The following TSPAN3 variants were observed in gnomAD, a reference collection of about 807,000 sequenced individuals.
TSPAN3 encodes the protein tetraspanin 3, also known as tetraspanin-3.
TSPAN3 carries 9 observed loss-of-function variants against 31.1 expected under a neutral mutation model. The observed-to-expected ratio is 0.29, with a 90% CI of 0.17 to 0.50. The LOEUF (loss-of-function observed/expected upper bound fraction) is 0.50. TSPAN3 is among the 20% of genes least tolerant of loss of function. TSPAN3 has a pLI of 0.98. For missense variants in TSPAN3, 252 were observed against 313.5 expected (o/e 0.80, Z 1.48); for synonymous variants, 129 against 114.3 (o/e 1.13, Z -0.82).
chr15:77,046,481 GA>G lies in TSPAN3; in HGVS notation c.*353del. The stretch of plus-strand genomic sequence containing the variant: ...CCAAGAGTTCTCCACTGTGAAGACT[GA>G]AAGGACCTGGTGACATTTCGGCATC... On this transcript the variant is annotated 3_prime_UTR_variant, in exon 7 of 7. Coordinates refer to ENST00000267970, the MANE Select transcript of TSPAN3 (RefSeq NM_005724.6). 1 of 417,636 alleles carries G rather than the reference GA, an allele frequency of 2.4e-6. No homozygotes were observed. The highest frequency in any genetic ancestry group is 3.4e-5 in the East Asian group (1 of 29,180). 25.9% of individuals were successfully genotyped at this position (417,636 alleles called of 1,614,324 possible).
chr15:77,058,038 C>T (rs112526267), intron 1 of TSPAN3, among the ~76,000 whole-genome samples: 2,469 of 152,234 alleles, frequency 0.016, 55 homozygotes, highest in East Asian at 0.065. Context: ...CCATAAATCA[C>T]AAAACTTCAA....
At chr15:77,056,386 CTA>C (rs890518167) in intron 1 of TSPAN3, 131 bp from the exon 2 acceptor site, 5 of 625,922 alleles carry the variant, frequency 8.0e-6, no homozygotes, top group African/African-American at 7.7e-5. Context: ...GCTGAAAATT[CTA>C]TGATTCCTTG....
chr15:77,050,160 T>C (rs1226040079), intron 6 of TSPAN3, among the ~76,000 whole-genome samples: 2 of 152,188 alleles, frequency 1.3e-5, no homozygotes, highest in African/African-American at 4.8e-5. Flanking sequence ...GTTCAGGTTT[T>C]CCACACCCAG....
chr15:77,065,156 T>C (rs1180440222), intron 1 of TSPAN3, among the ~76,000 whole-genome samples: 3 of 152,208 alleles, frequency 2.0e-5, no homozygotes, highest in Admixed American at 6.5e-5. Context: ...ACTCCAGATT[T>C]TTTTTGCCAA....
chr15:77,042,358 A>T lies in TSPAN3; in HGVS notation c.*4477T>A, dbSNP rs538694160. 10 of 152,328 alleles carry T rather than the reference A, an allele frequency of 6.6e-5. No homozygotes were observed. Among genetic ancestry groups the T allele is most frequent in the African/African-American group, 2.4e-4 (10 of 41,578 alleles). 9.4% of individuals were successfully genotyped at this position (152,328 alleles called of 1,614,324 possible). A position where few individuals can be genotyped will look rare whatever the true frequency, so the allele number is the denominator to read the frequency against. ...TCAATCATCTATAGGACAAGAAGCA[A>T]AGACACCCCAGCTGCAATAAGCACA... On this transcript the variant is annotated 3_prime_UTR_variant, in exon 7 of 7. Coordinates refer to ENST00000267970, the MANE Select transcript of TSPAN3 (RefSeq NM_005724.6).
In TSPAN3 at chr15:77,046,301, A is replaced by G. The variant is rs1482776670; in HGVS notation, c.*534T>C. The G allele has an allele frequency of 1.0e-5, 4 of 399,218 alleles. No homozygotes were observed. The highest frequency in any genetic ancestry group is 1.3e-5 in the Non-Finnish European group (3 of 226,442). The allele number at this position is 399,218 out of a possible 1,614,324, so 24.7% of individuals were successfully genotyped here. The stretch of plus-strand genomic sequence containing the variant: ...TTGAAGATGAACCAAGATATACGCC[A>G]TATGATCCTACAATCTATTTTAGTC... On this transcript the variant is annotated 3_prime_UTR_variant, in exon 7 of 7. Coordinates refer to ENST00000267970, the MANE Select transcript of TSPAN3 (RefSeq NM_005724.6).
At chr15:77,069,021 C>G (rs944773318) in intron 1 of TSPAN3, among the ~76,000 whole-genome samples, 7 of 152,068 alleles carry the variant, frequency 4.6e-5, no homozygotes, top group African/African-American at 1.4e-4. Context: ...ATTGCTGGGT[C>G]GAATGGTAGG....
chr15:77,041,954 A>G lies in TSPAN3; in HGVS notation c.*4881T>C, dbSNP rs374549885. The G allele has an allele frequency of 5.3e-5, 8 of 152,342 alleles. No homozygotes were observed. Among genetic ancestry groups the G allele is most frequent in the East Asian group, 1.9e-4 (1 of 5,184 alleles). The allele number at this position is 152,342 out of a possible 1,614,324, so 9.4% of individuals were successfully genotyped here. A position where few individuals can be genotyped will look rare whatever the true frequency, so the allele number is the denominator to read the frequency against. ...TATAGAGATGATCACTGTGGCGAGT[A>G]GTGGAGGCACTGGAGGCAGCCTGCA... On this transcript the variant is annotated 3_prime_UTR_variant, in exon 7 of 7. Coordinates refer to ENST00000267970, the MANE Select transcript of TSPAN3 (RefSeq NM_005724.6).
At chr15:77,049,117 A>G (rs949136715) in intron 6 of TSPAN3, among the ~76,000 whole-genome samples, 2 of 152,162 alleles carry the variant, frequency 1.3e-5, no homozygotes, top group African/African-American at 4.8e-5. Flanking sequence ...AAATACACTA[A>G]TTTGTTTTTA....
chr15:77,063,163 A>G (rs866811435), intron 1 of TSPAN3, among the ~76,000 whole-genome samples: 16 of 152,234 alleles, frequency 1.1e-4, no homozygotes, highest in African/African-American at 3.9e-4. Flanking sequence ...ACCTCTGCCA[A>G]TCTCTCCCAC....
At chr15:77,053,769 T>A (rs941488130) in intron 4 of TSPAN3, among the ~76,000 whole-genome samples, 7 of 152,282 alleles carry the variant, frequency 4.6e-5, no homozygotes, top group African/African-American at 1.4e-4. Context: ...TATCAGACTG[T>A]CCATAACAAC....
Position 77,052,486 on chromosome 15 carries a change from A to G in TSPAN3, c.586-18T>C, listed in dbSNP as rs2152695785. 6.2e-7 allele frequency: 1 copy of G among 1,608,798 alleles called. No homozygotes were observed. Reference sequence around the variant, plus strand: ...TCACACCCCTGTAACAAACACAGTCATCCTCGTTAGAAGTGTTCTTTAAAA... The same window carrying G: ...TCACACCCCTGTAACAAACACAGTCGTCCTCGTTAGAAGTGTTCTTTAAAA... On this transcript the variant is annotated intron_variant, in intron 5 of 6. Coordinates refer to ENST00000267970, the MANE Select transcript of TSPAN3 (RefSeq NM_005724.6).
Position 77,046,358 on chromosome 15 carries a change from A to G in TSPAN3, c.*477T>C. 1 of 401,548 alleles carries G rather than the reference A, an allele frequency of 2.5e-6. No homozygotes were observed. Among genetic ancestry groups the G allele is most frequent in the Non-Finnish European group, 4.4e-6 (1 of 227,520 alleles). The allele number at this position is 401,548 out of a possible 1,614,324, so 24.9% of individuals were successfully genotyped here. On this transcript the variant is annotated 3_prime_UTR_variant, in exon 7 of 7. Coordinates refer to ENST00000267970, the MANE Select transcript of TSPAN3 (RefSeq NM_005724.6). ...TACAGCTGCTATCTTATTGGACTAC[A>G]GTAAATATTTTTTAAAAGGACACCA...
chr15:77,065,883 C>T (rs932259752), intron 1 of TSPAN3, among the ~76,000 whole-genome samples: 1 of 152,076 alleles, frequency 6.6e-6, no homozygotes, highest in Non-Finnish European at 1.5e-5. Flanking sequence ...TGCGGTACTT[C>T]CCCCACTCTA....
chr15:77,068,149 T>C (rs1156367704), intron 1 of TSPAN3: 1 of 152,234 alleles, frequency 6.6e-6, no homozygotes, highest in Non-Finnish European at 1.5e-5. Context: ...AATACTTTCT[T>C]GGGAGACATA....
intron 1 of TSPAN3, chr15:77,067,587 C>T (rs1310869382): frequency 6.6e-6 from 1 of 152,172 alleles, no homozygotes; most frequent in Non-Finnish European, 1.5e-5. Flanking sequence ...ATTTGATAAG[C>T]TCTATGGAGA....
At chr15:77,055,514 G>C (rs2076763266) in intron 3 of TSPAN3, 1 of 292,506 alleles carries the variant, frequency 3.4e-6, no homozygotes, top group Non-Finnish European at 6.3e-6. Context: ...TCTGTGTGCT[G>C]AGGAAATCTG....
rs748648249 is a variant in TSPAN3 at position 77,054,194 on chromosome 15, T to G, written c.416A>C (p.Asp139Ala). The G allele has an allele frequency of 6.2e-6, 10 of 1,613,920 alleles. No homozygotes were observed. The highest frequency in any genetic ancestry group is 7.6e-6 in the Non-Finnish European group (9 of 1,179,864). Residue 139 changes from aspartate to alanine, a missense_variant, in exon 4 of 7, where the codon GAT (aspartate) becomes GCT (alanine). Asp to Ala is a moderately radical substitution (Grantham distance 126). Transcript: ENST00000267970. ...AAAGCTCACCTGTCTCTGTACATAA[T>G]CAATAGCCCGGCTAGCAGCATCAGG... The part of the protein sequence containing the change: ...TNPDAASRAI[D>A]YVQRQLHCCG...
chr15:77,057,887 A>C (rs1284853079), intron 1 of TSPAN3, among the ~76,000 whole-genome samples: 1 of 152,056 alleles, frequency 6.6e-6, no homozygotes, highest in Admixed American at 6.6e-5. Context: ...TGTCATCCTC[A>C]ACCTGTCTCA....
Sources: allele counts gnomAD v4.1 joint callset (sites outside exome capture counted in the v4.1 genomes callset), GRCh38; gene constraint gnomAD v4.1.1; transcripts MANE v1.5; gene names NCBI Gene and HGNC (gene_info 2026-07-23, HGNC 2026-07-21).